SLC28A1: variants seen among roughly 807,000 people sequenced by gnomAD.
The protein encoded by SLC28A1 is solute carrier family 28 member 1.
Under a neutral mutation model 74.8 loss-of-function variants are expected in SLC28A1, and 64 were observed. That is an observed-to-expected ratio of 0.86 (90% confidence interval 0.70 to 1.05). SLC28A1 has a LOEUF of 1.05. Among genes scored for constraint, SLC28A1 ranks in the 50% least tolerant of loss-of-function variants. SLC28A1 has a pLI of 0.00. For synonymous variants in SLC28A1, 359 were observed against 335.0 expected (o/e 1.07, Z -0.78); for missense variants, 828 against 822.8 (o/e 1.01, Z -0.08).
At chr15:84,895,710 T>C in intron 6 of SLC28A1, 1 of 1,355,798 alleles carries the variant, frequency 7.4e-7, no homozygotes, top group Non-Finnish European at 9.5e-7. Flanking sequence ...GCTCTAAATT[T>C]ATGTGTTTTA....
chr15:84,936,355 T>G (rs1169464345), intron 15 of SLC28A1, among the ~76,000 whole-genome samples: 1 of 152,118 alleles, frequency 6.6e-6, no homozygotes, highest in Non-Finnish European at 1.5e-5. Flanking sequence ...CCTCCCGGGT[T>G]CGAGTGATTC....
At chr15:84,971,117 T>C in the SLC28A1 span, among the ~76,000 whole-genome samples, 1 of 152,144 alleles carries the variant, frequency 6.6e-6, no homozygotes, top group African/African-American at 2.4e-5. Context: ...CAAATGACAG[T>C]AGCAACCCCT....
the SLC28A1 span, among the ~76,000 whole-genome samples, chr15:84,967,850 T>G: frequency 6.6e-6 from 1 of 152,138 alleles, no homozygotes; most frequent in African/African-American, 2.4e-5. Context: ...TGGGTGAGTC[T>G]GAGGGTAGGC....
chr15:84,918,422 G>A, intron 9 of SLC28A1, 102 bp from the exon 10 acceptor site: 1 of 840,268 alleles, frequency 1.2e-6, no homozygotes, highest in South Asian at 1.3e-5. Context: ...TGAGTGGCAA[G>A]GCCTGGGATG....
intron 2 of SLC28A1, among the ~76,000 whole-genome samples, chr15:84,886,991 G>C (rs1390227001): frequency 6.6e-6 from 1 of 152,196 alleles, no homozygotes; most frequent in East Asian, 1.9e-4. Context: ...GAGAGAGGAG[G>C]TGTTAGTTAC....
At chr15:84,951,575 C>T in the SLC28A1 span, among the ~76,000 whole-genome samples, 2 of 151,994 alleles carry the variant, frequency 1.3e-5, no homozygotes, top group Non-Finnish European at 2.9e-5. Flanking sequence ...CTTATATGAG[C>T]CTGCTAGTAG....
chr15:84,900,871 C>G (rs1596242658), intron 6 of SLC28A1, among the ~76,000 whole-genome samples: 2 of 146,356 alleles, frequency 1.4e-5, no homozygotes, highest in African/African-American at 2.6e-5. Flanking sequence ...GGGTGAAAGG[C>G]AAGGAAGGAA....
chr15:84,952,673 C>T, the SLC28A1 span, among the ~76,000 whole-genome samples: 1 of 152,084 alleles, frequency 6.6e-6, no homozygotes, highest in African/African-American at 2.4e-5. Context: ...ATCGCTTGAG[C>T]CCGGGAGTTT....
chr15:84,937,006 T>C (rs1338935232), intron 15 of SLC28A1, among the ~76,000 whole-genome samples: 6 of 151,412 alleles, frequency 4.0e-5, no homozygotes, highest in Admixed American at 3.9e-4. Context: ...TGAGCTAGGA[T>C]TGCATCACTG....
At chr15:84,940,240 A>T (rs578248020) in intron 15 of SLC28A1, among the ~76,000 whole-genome samples, 2 of 152,336 alleles carry the variant, frequency 1.3e-5, no homozygotes, top group South Asian at 4.1e-4. Context: ...CTGTGTGCCA[A>T]CAAGAGCCTG....
chr15:84,892,621 T>G (rs1321822568), intron 5 of SLC28A1, among the ~76,000 whole-genome samples: 1 of 152,206 alleles, frequency 6.6e-6, no homozygotes, highest in Non-Finnish European at 1.5e-5. Flanking sequence ...TGTTTCTGGG[T>G]GACTTTGATT....
Position 84,945,104 on chromosome 15 carries a change from C to A in SLC28A1, c.1875-21C>A, listed in dbSNP as rs17222435. The A allele has an allele frequency of 1.2e-4, 190 of 1,612,618 alleles. No homozygotes were observed. The African/African-American group carries it at 2.4e-3, about 20-fold the overall frequency. On this transcript the variant is annotated intron_variant, in intron 18 of 18. Coordinates refer to ENST00000394573, the MANE Select transcript of SLC28A1 (RefSeq NM_004213.5). ...AGAACCAGGCCTGGAGCTCCCACTG[C>A]GATCTTTGCTTTCTTTTTAGCGTCA...
chr15:84,965,970 C>A, the SLC28A1 span, among the ~76,000 whole-genome samples: 7,649 of 151,600 alleles, frequency 0.05, 513 homozygotes, highest in Admixed American at 0.17. Context: ...CAAATTGTTT[C>A]TATAGAGAGG....
chr15:84,943,903 C>CAA (rs1156848120), intron 16 of SLC28A1, among the ~76,000 whole-genome samples: 1 of 132,776 alleles, frequency 7.5e-6, no homozygotes, highest in Non-Finnish European at 1.6e-5. Context: ...GACTCTGTCT[C>CAA]AAAAAAAAAA....
chr15:84,943,580 G>A (rs1972963887), intron 16 of SLC28A1, 54 bp downstream of exon 16: 1 of 1,372,512 alleles, frequency 7.3e-7, no homozygotes, highest in South Asian at 1.2e-5. Flanking sequence ...ACTTGAACTT[G>A]CTCGGGACAT....
chr15:84,945,314 C>A lies in SLC28A1; in HGVS notation c.*114C>A. The A allele has an allele frequency of 1.1e-6, 1 of 905,446 alleles. No individual in the cohort carries two copies. Among genetic ancestry groups the A allele is most frequent in the Non-Finnish European group, 1.8e-6 (1 of 552,668 alleles). The allele number at this position is 905,446 out of a possible 1,614,324, so 56.1% of individuals were successfully genotyped here. A position where few individuals can be genotyped will look rare whatever the true frequency, so the allele number is the denominator to read the frequency against. Reference sequence around the variant, plus strand: ...TTCAGGGAAGCCACAGGACTTAGACCCAGCTCAATCCCACAATTGGGAAGG... The same window carrying A: ...TTCAGGGAAGCCACAGGACTTAGACACAGCTCAATCCCACAATTGGGAAGG... On this transcript the variant is annotated 3_prime_UTR_variant, in exon 19 of 19. Coordinates refer to ENST00000394573, the MANE Select transcript of SLC28A1 (RefSeq NM_004213.5).
intron 6 of SLC28A1, chr15:84,895,839 G>A (rs752655048): frequency 4.4e-5 from 47 of 1,080,458 alleles, no homozygotes; most frequent in Non-Finnish European, 5.2e-5. Flanking sequence ...TGATGAAGAA[G>A]CTGGTGACCA....
chr15:84,888,966 C>G (rs1388486926), intron 4 of SLC28A1, 106 bp downstream of exon 4: 2 of 801,764 alleles, frequency 2.5e-6, no homozygotes. Context: ...GGACGTGAAC[C>G]TTTGTTGAAG....
At chr15:84,956,367 T>C in the SLC28A1 span, among the ~76,000 whole-genome samples, 117 of 152,290 alleles carry the variant, frequency 7.7e-4, no homozygotes, top group African/African-American at 2.7e-3. Flanking sequence ...TGGAGCATAT[T>C]ATCATTACAT....
Sources: allele counts gnomAD v4.1 joint callset (sites outside exome capture counted in the v4.1 genomes callset), GRCh38; gene constraint gnomAD v4.1.1; transcripts MANE v1.5; gene names NCBI Gene and HGNC (gene_info 2026-07-23, HGNC 2026-07-21).